Variants in COLQ observed in about 807,000 individuals in gnomAD.
COLQ encodes acetylcholinesterase collagenic tail peptide.
COLQ carries 48 observed loss-of-function variants against 69.0 expected under a neutral mutation model. The observed-to-expected ratio is 0.70, with a 90% CI of 0.55 to 0.88. COLQ has a LOEUF of 0.88. COLQ is among the 40% of genes least tolerant of loss of function. The pLI, the probability that COLQ is intolerant of heterozygous loss-of-function variation, is 0.00. For missense variants in COLQ, 618 were observed against 594.6 expected, an observed-to-expected ratio of 1.04 and a Z score of -0.41; for synonymous variants, 217 against 211.2, an observed-to-expected ratio of 1.03 and a Z score of -0.24.
intron 5 of COLQ, chr3:15,478,722 T>A: frequency 6.9e-6 from 4 of 576,452 alleles, no homozygotes; most frequent in South Asian, 2.1e-5. Context: ...GTGAGAGGGG[T>A]GGAATTTGGC....
chr3:15,475,626 T>G (rs935501164), intron 6 of COLQ, 139 bp from the exon 7 acceptor site: 2 of 750,614 alleles, frequency 2.7e-6, no homozygotes, highest in Admixed American at 2.0e-5. Context: ...TGCACCCACT[T>G]TCTCCCTCCT....
rs2278961 is a variant in COLQ at position 15,451,300 on chromosome 3, G to A, written c.*344C>T. ...ACATTCTAAAACAGCCTGCAGGTCT[G>A]TGTGTGTCTAACAGTGCTCAGCCAA... is the stretch of plus-strand genomic sequence containing the variant. On this transcript the variant is annotated 3_prime_UTR_variant, in exon 17 of 17. Coordinates refer to ENST00000383788, the MANE Select transcript of COLQ (RefSeq NM_005677.4). 0.44 allele frequency: 186,580 copies of A among 423,102 alleles called. 42,021 individuals are homozygous for A. The highest frequency in any genetic ancestry group is 0.56 in the African/African-American group (27,977 of 49,624). The allele number at this position is 423,102 out of a possible 1,614,324, so 26.2% of individuals were successfully genotyped here.
intron 10 of COLQ, 68 bp from the exon 11 acceptor site, chr3:15,470,684 T>C: frequency 7.0e-7 from 1 of 1,422,226 alleles, no homozygotes. Flanking sequence ...TACACAGGTC[T>C]AGCCAGTCAT....
At chr3:15,500,034 T>A (rs77166053) in intron 1 of COLQ, among the ~76,000 whole-genome samples, 1 of 152,314 alleles carries the variant, frequency 6.6e-6, no homozygotes, top group African/African-American at 2.4e-5. Context: ...AGGGCAGGGA[T>A]GCCTGAAGGG....
intron 12 of COLQ, among the ~76,000 whole-genome samples, chr3:15,462,654 C>T (rs115370356): frequency 5.8e-4 from 89 of 152,276 alleles, no homozygotes; most frequent in African/African-American, 2.0e-3. Flanking sequence ...CCGCCTACCT[C>T]GCCCTCAAGG....
At position 15,473,998 on chromosome 3, in the gene COLQ, A is replaced by C; in HGVS notation, c.636+2T>G. On this transcript the variant is annotated splice_donor_variant, in intron 10 of 16. Coordinates refer to ENST00000383788, the MANE Select transcript of COLQ (RefSeq NM_005677.4). LOFTEE classifies it high-confidence loss of function. The surrounding 1 kb of genome is among the most constrained non-coding windows in gnomAD (Gnocchi z 4.0). ...TATTTTCACTACCTCAAGGTTACTTACTTTCTGCCCCAACATTCCAGGAAA... is the reference window on the plus strand; with the variant it reads ...TATTTTCACTACCTCAAGGTTACTTCCTTTCTGCCCCAACATTCCAGGAAA... 6.2e-7 allele frequency: 1 copy of C among 1,614,162 alleles called. No homozygotes were observed. The highest frequency in any genetic ancestry group is 1.1e-5 in the South Asian group (1 of 91,074).
At chr3:15,490,852 C>T (rs1435121039) in intron 1 of COLQ, among the ~76,000 whole-genome samples, 1 of 152,210 alleles carries the variant, frequency 6.6e-6, no homozygotes, top group Non-Finnish European at 1.5e-5. Flanking sequence ...TAGACATATA[C>T]TCTAGCCCAG....
intron 3 of COLQ, among the ~76,000 whole-genome samples, chr3:15,481,345 T>C (rs1378965392): frequency 6.6e-6 from 1 of 152,230 alleles, no homozygotes; most frequent in Non-Finnish European, 1.5e-5. Flanking sequence ...AGGTCTAACA[T>C]TTAAGTATTT....
intron 1 of COLQ, among the ~76,000 whole-genome samples, chr3:15,513,352 G>A (rs1559533897): frequency 2.0e-5 from 3 of 152,040 alleles, no homozygotes; most frequent in African/African-American, 2.4e-5. Flanking sequence ...CATCAATCCC[G>A]CCCATTCGTC....
At chr3:15,482,795 C>T (rs1280325814) in intron 3 of COLQ, among the ~76,000 whole-genome samples, 1 of 152,162 alleles carries the variant, frequency 6.6e-6, no homozygotes, top group East Asian at 1.9e-4. Context: ...GTACCAGCTC[C>T]TCCTTGTACC....
intron 1 of COLQ, among the ~76,000 whole-genome samples, chr3:15,491,497 TC>T (rs1309146051): frequency 1.3e-5 from 2 of 152,144 alleles, no homozygotes; most frequent in Non-Finnish European, 2.9e-5. Context: ...TGCTAAGTGC[TC>T]CCCAGAAGTC....
intron 1 of COLQ, among the ~76,000 whole-genome samples, chr3:15,515,719 T>C (rs1386233252): frequency 6.6e-6 from 1 of 152,164 alleles, no homozygotes; most frequent in Non-Finnish European, 1.5e-5. Context: ...GGCTGGAGAA[T>C]TGTTTGAACC....
intron 1 of COLQ, among the ~76,000 whole-genome samples, chr3:15,514,054 G>C (rs1178996330): frequency 1.3e-5 from 2 of 152,134 alleles, no homozygotes; most frequent in Non-Finnish European, 1.5e-5. Context: ...GGTGGAGAAA[G>C]GGGCCAGGAA....
At chr3:15,498,698 G>A (rs1263610102) in intron 1 of COLQ, 5 of 1,546,384 alleles carry the variant, frequency 3.2e-6, no homozygotes, top group Non-Finnish European at 4.4e-6. Flanking sequence ...CATTAGGGGT[G>A]GGAGTTGGCC....
intron 1 of COLQ, among the ~76,000 whole-genome samples, chr3:15,509,923 A>G (rs2062960849): frequency 6.6e-6 from 1 of 152,224 alleles, no homozygotes; most frequent in East Asian, 1.9e-4. Context: ...CTGTAATCCC[A>G]GCACTTTGGG....
chr3:15,512,347 G>A (rs373404355), intron 1 of COLQ, among the ~76,000 whole-genome samples: 1 of 151,988 alleles, frequency 6.6e-6, no homozygotes, highest in Non-Finnish European at 1.5e-5. Flanking sequence ...TCCCAAACAC[G>A]CGCCCCATGC....
In COLQ at chr3:15,504,865, A is replaced by C. The variant is rs369028142; in HGVS notation, c.107-15228T>G. Among the ~76,000 whole-genome samples, 5 of 152,330 alleles carry C rather than the reference A, an allele frequency of 3.3e-5. No individual in the cohort carries two copies. The East Asian group carries it at 7.7e-4, about 23-fold the overall frequency. ...ATAGAGCGAGACTCCGTCTCAAAAA[A>C]CAAAACCAAAACCAAAACCAAAAGA... On this transcript the variant is annotated intron_variant, in intron 1 of 16. Coordinates refer to ENST00000383788, the MANE Select transcript of COLQ (RefSeq NM_005677.4).
intron 1 of COLQ, among the ~76,000 whole-genome samples, chr3:15,507,746 C>T (rs1192859814): frequency 6.6e-6 from 1 of 152,218 alleles, no homozygotes. Flanking sequence ...TGAGCCACTG[C>T]ACCTAGCCTT....
At chr3:15,471,964 G>T (rs2125111683) in intron 10 of COLQ, among the ~76,000 whole-genome samples, 1 of 150,104 alleles carries the variant, frequency 6.7e-6, no homozygotes, top group East Asian at 2.0e-4. Flanking sequence ...AGCAGCACAA[G>T]CAGCATTTTT....
Sources: allele counts gnomAD v4.1 joint callset (sites outside exome capture counted in the v4.1 genomes callset), GRCh38; gene constraint gnomAD v4.1.1; non-coding constraint Gnocchi (gnomAD v3.1); transcripts MANE v1.5; gene names NCBI Gene and HGNC (gene_info 2026-07-23, HGNC 2026-07-21).